Variants in CHAF1A observed in about 807,000 individuals in gnomAD.
The protein encoded by CHAF1A is chromatin assembly factor 1 subunit A.
In CHAF1A, 5 loss-of-function variants were observed where a neutral mutation model predicts 93.2. The observed-to-expected ratio is 0.05, with a 90% confidence interval of 0.03 to 0.11. The LOEUF (loss-of-function observed/expected upper bound fraction) is 0.11. Among genes scored for constraint, CHAF1A ranks in the 10% least tolerant of loss-of-function variants. The probability of loss-of-function intolerance (pLI) is 1.00; values close to 1 mark genes in which losing one functional copy is unlikely to be tolerated. For missense variants in CHAF1A, 1,102 were observed against 1,259.9 expected, an observed-to-expected ratio of 0.87 and a Z score of 1.90; for synonymous variants, 504 against 510.3, an observed-to-expected ratio of 0.99 and a Z score of 0.17.
chr19:4,446,247 C>T (rs1280683657), downstream of CHAF1A: 4 of 1,570,092 alleles, frequency 2.5e-6, no homozygotes, highest in South Asian at 3.4e-5. Context: ...CCCCTACCAA[C>T]CCGAGCCGCC....
chr19:4,418,715 A>T (rs1444339299), intron 4 of CHAF1A, among the ~76,000 whole-genome samples: 1 of 152,074 alleles, frequency 6.6e-6, no homozygotes, highest in Non-Finnish European at 1.5e-5. Flanking sequence ...GCGCCTGGCC[A>T]GTCCTGTGTC....
chr19:4,402,723 C>A lies in CHAF1A; in HGVS notation c.-40C>A. The A allele has an allele frequency of 8.4e-7, 1 of 1,185,040 alleles. No homozygotes were observed. The highest frequency in any genetic ancestry group is 1.6e-5 in the African/African-American group (1 of 62,810). 73.4% of individuals were successfully genotyped at this position (1,185,040 alleles called of 1,614,324 possible). A position where few individuals can be genotyped will look rare whatever the true frequency, so the allele number is the denominator to read the frequency against. On this transcript the variant is annotated 5_prime_UTR_variant, in exon 1 of 15. Transcript: ENST00000301280. ...AGCGGCCGCCTGAGGGGAGCCCGCG[C>A]CTCCGCCGCCTGAGAGGAGGTCGAG...
chr19:4,423,109 A>T (rs555388222), intron 5 of CHAF1A, among the ~76,000 whole-genome samples: 2 of 152,318 alleles, frequency 1.3e-5, no homozygotes, highest in South Asian at 4.1e-4. Flanking sequence ...TTGTGCTCTG[A>T]CTGGCTAAAG....
chr19:4,442,801 A>G, intron 14 of CHAF1A, 124 bp from the exon 15 acceptor site: 1 of 661,896 alleles, frequency 1.5e-6, no homozygotes, highest in Non-Finnish European at 2.5e-6. Flanking sequence ...GCCTGTCCCC[A>G]CTGTCAGGTG....
At chr19:4,447,309 G>T, downstream of CHAF1A, 2 of 580,706 alleles carry the variant, frequency 3.4e-6, no homozygotes, top group East Asian at 5.7e-5. Flanking sequence ...CAGCTGAAGA[G>T]GAGGAAAAGG....
intron 14 of CHAF1A, among the ~76,000 whole-genome samples, chr19:4,442,646 C>T (rs1974415084): frequency 6.6e-6 from 1 of 152,236 alleles, no homozygotes; most frequent in Non-Finnish European, 1.5e-5. Context: ...AGGTGGATTT[C>T]TGGAGCACTC....
At chr19:4,446,797 C>T (rs753101384), downstream of CHAF1A, 19 of 1,613,634 alleles carry the variant, frequency 1.2e-5, no homozygotes, top group African/African-American at 2.7e-5. Flanking sequence ...CGAGGCCCCT[C>T]GTCCCCATTC....
intron 12 of CHAF1A, among the ~76,000 whole-genome samples, chr19:4,432,776 C>A (rs1322248580): frequency 3.3e-5 from 5 of 149,488 alleles, no homozygotes; most frequent in African/African-American, 1.2e-4. Context: ...AAAAAAAACT[C>A]AAAAAACTGG....
chr19:4,427,054 G>C (rs1350291138), intron 7 of CHAF1A, among the ~76,000 whole-genome samples: 1 of 143,234 alleles, frequency 7.0e-6, no homozygotes, highest in Non-Finnish European at 1.5e-5. Context: ...TTGCACCACT[G>C]TACTCCAGGC....
At chr19:4,448,406 T>C (rs747520058), downstream of CHAF1A, 20 of 1,606,328 alleles carry the variant, frequency 1.2e-5, no homozygotes, top group Non-Finnish European at 1.6e-5. Context: ...ACTGGGTCGG[T>C]GGAGAAGTGC....
At chr19:4,438,996 G>A (rs1053044518) in intron 13 of CHAF1A, among the ~76,000 whole-genome samples, 1 of 149,658 alleles carries the variant, frequency 6.7e-6, no homozygotes, top group Non-Finnish European at 1.5e-5. Flanking sequence ...AAAAAGCATA[G>A]ATGGCTGGGT....
chr19:4,445,369 G>A (rs1050153401), downstream of CHAF1A: 27 of 1,462,632 alleles, frequency 1.8e-5, no homozygotes, highest in African/African-American at 5.6e-5. Flanking sequence ...CACGGCTGGC[G>A]CCCCTCCCGT....
At chr19:4,405,134 C>G (rs1477762810) in intron 1 of CHAF1A, among the ~76,000 whole-genome samples, 1 of 152,188 alleles carries the variant, frequency 6.6e-6, no homozygotes. Flanking sequence ...GTTCCGGTTA[C>G]TCTCTTAGTT....
intron 7 of CHAF1A, among the ~76,000 whole-genome samples, chr19:4,427,317 T>TTTTTGTTTTGTTTTG (rs571625536): frequency 1.5e-5 from 2 of 136,144 alleles, no homozygotes; most frequent in Non-Finnish European, 3.2e-5. Flanking sequence ...GCCAAGCTAA[T>TTTTTGTTTTGTTTTG]TTTTGTTTTG....
intron 11 of CHAF1A, 39 bp from the exon 12 acceptor site, chr19:4,431,913 C>T (rs767276089): frequency 6.4e-7 from 1 of 1,566,096 alleles, no homozygotes; most frequent in South Asian, 1.2e-5. Context: ...CATAGGGGAG[C>T]AAGAACCCCA....
intron 3 of CHAF1A, among the ~76,000 whole-genome samples, chr19:4,415,599 G>A (rs1461505737): frequency 6.6e-6 from 1 of 152,178 alleles, no homozygotes; most frequent in Non-Finnish European, 1.5e-5. Flanking sequence ...ATGCTGGAGA[G>A]ACAGATGCTT....
chr19:4,441,343 C>G (rs1444251092), intron 13 of CHAF1A, among the ~76,000 whole-genome samples: 1 of 151,782 alleles, frequency 6.6e-6, no homozygotes, highest in African/African-American at 2.4e-5. Context: ...AATAAAAATA[C>G]AGTTGTCTGT....
intron 7 of CHAF1A, among the ~76,000 whole-genome samples, chr19:4,426,136 C>T (rs1474492759): frequency 2.7e-5 from 4 of 145,540 alleles, no homozygotes; most frequent in Non-Finnish European, 6.0e-5. Flanking sequence ...CGTGATATTT[C>T]GTCTCAGCCT....
intron 3 of CHAF1A, among the ~76,000 whole-genome samples, chr19:4,415,441 G>A (rs1364224394): frequency 6.6e-6 from 1 of 152,134 alleles, no homozygotes; most frequent in East Asian, 1.9e-4. Flanking sequence ...GCAAGACTAA[G>A]GAACTGAATT....
Sources: allele counts gnomAD v4.1 joint callset (sites outside exome capture counted in the v4.1 genomes callset), GRCh38; gene constraint gnomAD v4.1.1; transcripts MANE v1.5; gene names NCBI Gene and HGNC (gene_info 2026-07-23, HGNC 2026-07-21).